The following TOGARAM2 variants were observed in gnomAD, a reference collection of about 807,000 sequenced individuals.
TOGARAM2 encodes TOG array regulator of axonemal microtubules 2.
A neutral mutation model predicts 93.3 loss-of-function variants in TOGARAM2; 85 were observed. That is an observed-to-expected ratio of 0.91 (90% CI 0.76 to 1.09). The LOEUF (loss-of-function observed/expected upper bound fraction) is 1.09, where lower values mean the gene tolerates loss of function less well. Ranked by LOEUF, TOGARAM2 falls within the 50% of genes least tolerant of loss-of-function variation. TOGARAM2 has a pLI of 0.00. For missense variants in TOGARAM2, 1,277 were observed against 1,334.5 expected (o/e 0.96, Z 0.67); for synonymous variants, 593 against 552.8 (o/e 1.07, Z -1.02).
intron 1 of TOGARAM2, among the ~76,000 whole-genome samples, chr2:28,970,369 A>G (rs955581052): frequency 6.6e-6 from 1 of 152,164 alleles, no homozygotes; most frequent in African/African-American, 2.4e-5. Flanking sequence ...TTCCTCATCT[A>G]TAAAGTGGGG....
At chr2:29,047,887 GT>G (rs1314516606) in intron 19 of TOGARAM2, 1 of 151,762 alleles carries the variant, frequency 6.6e-6, no homozygotes, top group African/African-American at 2.4e-5. Flanking sequence ...AGGAGGCTCT[GT>G]TGGGGGGCAG....
chr2:28,975,613 G>C (rs1371061475), intron 1 of TOGARAM2, among the ~76,000 whole-genome samples: 3 of 152,128 alleles, frequency 2.0e-5, no homozygotes, highest in Non-Finnish European at 2.9e-5. Flanking sequence ...TGTGTCATCT[G>C]GGCGCTGCAT....
chr2:28,990,746 C>T lies in TOGARAM2; in HGVS notation c.-110-3979C>T, dbSNP rs138030731. 2.5e-4 allele frequency among the ~76,000 whole-genome samples: 38 copies of T among 152,190 alleles called. No homozygotes were observed. The East Asian group carries it at 5.0e-3, about 20-fold the overall frequency. On this transcript the variant is annotated intron_variant, in intron 1 of 19. Coordinates refer to ENST00000379558, the MANE Select transcript of TOGARAM2 (RefSeq NM_199280.4). ...TTGTCCTGTCGGGCGTGACAGTGAA[C>T]GTTCACCTTCTCTGCTTGGCATTAC...
At chr2:29,044,603 T>G (rs1024259560) in intron 18 of TOGARAM2, among the ~76,000 whole-genome samples, 14 of 152,032 alleles carry the variant, frequency 9.2e-5, no homozygotes, top group Non-Finnish European at 1.5e-5. Flanking sequence ...AAGAGCACAG[T>G]GCTTCTCACC....
At chr2:29,025,408 A>G (rs1397701928) in intron 13 of TOGARAM2, among the ~76,000 whole-genome samples, 2 of 150,984 alleles carry the variant, frequency 1.3e-5, no homozygotes, top group Non-Finnish European at 3.0e-5. Context: ...TTTTTTCTGG[A>G]TGCCTCCCTT....
chr2:28,976,802 C>G (rs1672045101), upstream of TOGARAM2, among the ~76,000 whole-genome samples: 1 of 152,228 alleles, frequency 6.6e-6, no homozygotes, highest in African/African-American at 2.4e-5. Flanking sequence ...AACACGTCAG[C>G]CCAGTGGCAG....
intron 6 of TOGARAM2, among the ~76,000 whole-genome samples, chr2:29,007,536 G>A (rs1017464228): frequency 6.6e-5 from 10 of 151,806 alleles, no homozygotes; most frequent in African/African-American, 1.9e-4. Flanking sequence ...TTGTACTTCC[G>A]CTTCCTTCTT....
chr2:28,999,044 G>A (rs1311539685), intron 3 of TOGARAM2, 137 bp from the exon 4 acceptor site: 2 of 879,254 alleles, frequency 2.3e-6, no homozygotes, highest in African/African-American at 3.4e-5. Context: ...CCCCAGGAGT[G>A]ACTGAAACAT....
At chr2:29,033,091 G>T (rs752237412) in intron 15 of TOGARAM2, 40 bp downstream of exon 15, 3 of 1,555,350 alleles carry the variant, frequency 1.9e-6, no homozygotes, top group East Asian at 4.5e-5. Context: ...CCTTTTGGGG[G>T]TGGGGGTGAC....
chr2:29,004,925 T>C (rs1230491668), intron 6 of TOGARAM2, among the ~76,000 whole-genome samples: 14 of 105,698 alleles, frequency 1.3e-4, no homozygotes, highest in Non-Finnish European at 2.4e-4. Flanking sequence ...TGTGTACGTG[T>C]GTGAGTGCAT....
chr2:28,993,059 CA>C (rs59495138), intron 1 of TOGARAM2, among the ~76,000 whole-genome samples: 12,566 of 133,686 alleles, frequency 0.094, 583 homozygotes, highest in African/African-American at 0.14. Context: ...GATTCTGTCT[CA>C]AAAAAAAAAA....
chr2:28,991,483 G>A (rs914811022), intron 1 of TOGARAM2, among the ~76,000 whole-genome samples: 6 of 152,190 alleles, frequency 3.9e-5, no homozygotes, highest in Non-Finnish European at 7.3e-5. Context: ...TCACCTTGGT[G>A]TGGGCTCTAC....
At chr2:28,957,726 A>C (rs138634877) in intron 1 of TOGARAM2, among the ~76,000 whole-genome samples, 1 of 152,250 alleles carries the variant, frequency 6.6e-6, no homozygotes, top group African/African-American at 2.4e-5. Context: ...CTCATGAATG[A>C]ATGATTTTGT....
chr2:28,979,085 C>T (rs532607391), upstream of TOGARAM2, among the ~76,000 whole-genome samples: 4 of 152,322 alleles, frequency 2.6e-5, no homozygotes, highest in African/African-American at 9.6e-5. Flanking sequence ...TTCCAGAGAG[C>T]TTCCAGGTGG....
intron 1 of TOGARAM2, among the ~76,000 whole-genome samples, chr2:28,965,927 A>G (rs774386898): frequency 4.6e-5 from 7 of 152,078 alleles, no homozygotes; most frequent in Non-Finnish European, 1.0e-4. Context: ...TCTGAAAATA[A>G]TTGTTTCACA....
intron 6 of TOGARAM2, among the ~76,000 whole-genome samples, chr2:29,005,108 C>A (rs972821422): frequency 1.6e-5 from 2 of 127,020 alleles, no homozygotes; most frequent in Non-Finnish European, 3.2e-5. Context: ...GTTGTGAGTG[C>A]ATGTGTATGG....
At position 29,032,747 on chromosome 2, in the gene TOGARAM2, CTT is replaced by C. The variant is rs1665844686; in HGVS notation, c.2013-186_2013-185del. 1.1e-5 allele frequency: 6 copies of C among 526,406 alleles called. No individual in the cohort carries two copies. In the Admixed American group the frequency reaches 1.5e-4, roughly 13 times the overall value. The allele number at this position is 526,406 out of a possible 1,614,324, so 32.6% of individuals were successfully genotyped here. ...TGTAAAAATTTAATAGGGATTTTCT[CTT>C]GGTAATGGGATTATAGATGATGTTT... On this transcript the variant is annotated intron_variant, in intron 14 of 19. Transcript: ENST00000379558.
In TOGARAM2 at chr2:28,982,796, T is replaced by A. The variant is rs115840282; in HGVS notation, c.-111+1258T>A. Among the ~76,000 whole-genome samples the A allele has an allele frequency of 6.3e-3, 964 of 152,158 alleles. 11 individuals carry two copies. The highest frequency in any genetic ancestry group is 0.022 in the African/African-American group (893 of 41,498). ...AAATGCATGCAGTGTGAGGAATAATTATAAAGTGAATGTCCATGTAGCCAC... is the reference window on the plus strand; with the variant it reads ...AAATGCATGCAGTGTGAGGAATAATAATAAAGTGAATGTCCATGTAGCCAC... On this transcript the variant is annotated intron_variant, in intron 1 of 19. Coordinates refer to ENST00000379558, the MANE Select transcript of TOGARAM2 (RefSeq NM_199280.4).
intron 6 of TOGARAM2, among the ~76,000 whole-genome samples, chr2:29,004,616 G>A (rs1387144802): frequency 7.3e-6 from 1 of 137,910 alleles, no homozygotes; most frequent in Non-Finnish European, 1.6e-5. Context: ...ATGTATGAGT[G>A]CCTGCAGGTA....
Sources: gnomAD v4.1 joint callset for allele counts (sites outside exome capture counted in the v4.1 genomes callset) on GRCh38, gnomAD v4.1.1 for gene constraint, MANE v1.5 for transcripts, NCBI Gene and HGNC (gene_info 2026-07-23, HGNC 2026-07-21) for gene names.